Variants in STK3 observed in about 807,000 individuals in gnomAD.
STK3 encodes the protein serine/threonine kinase 3.
A neutral mutation model predicts 58.0 loss-of-function variants in STK3; 41 were observed. That is an observed-to-expected ratio of 0.71 (90% CI 0.55 to 0.92). The LOEUF is 0.92. Ranked by LOEUF, STK3 falls within the 40% of genes least tolerant of loss-of-function variation. The probability of loss-of-function intolerance (pLI) is 0.00; values close to 1 mark genes in which losing one functional copy is unlikely to be tolerated. For missense variants in STK3, 479 were observed against 602.7 expected (o/e 0.79, Z 2.15); for synonymous variants, 170 against 191.0 (o/e 0.89, Z 0.91).
At chr8:98,905,085 T>G in intron 1 of STK3, 2 of 1,351,992 alleles carry the variant, frequency 1.5e-6, no homozygotes, top group Non-Finnish European at 2.1e-6. Flanking sequence ...TGCTGCATAT[T>G]GTTCATTACA....
chr8:98,731,722 CAAA>C (rs35275281), intron 4 of STK3, among the ~76,000 whole-genome samples: 12 of 102,552 alleles, frequency 1.2e-4, no homozygotes, highest in Non-Finnish European at 1.7e-4. Context: ...GACTCCGTCT[CAAA>C]AAAAAAAAAA....
the STK3 span, among the ~76,000 whole-genome samples, chr8:98,352,504 C>T: frequency 1.3e-5 from 2 of 152,266 alleles, no homozygotes; most frequent in East Asian, 3.9e-4. Flanking sequence ...GCATTGTTAA[C>T]ACTGCAGAAA....
At chr8:98,674,140 A>C (rs184470501) in intron 6 of STK3, among the ~76,000 whole-genome samples, 86 of 152,332 alleles carry the variant, frequency 5.6e-4, no homozygotes, top group African/African-American at 1.9e-3. Flanking sequence ...GCTATATGTC[A>C]TCCAAGTTAT....
At chr8:98,806,079 T>A (rs1564019214) in intron 1 of STK3, among the ~76,000 whole-genome samples, 1 of 152,220 alleles carries the variant, frequency 6.6e-6, no homozygotes. Context: ...ATGTACTGTA[T>A]GAGAATATCA....
chr8:98,380,373 C>T (rs1000823763), intron 1 of STK3, among the ~76,000 whole-genome samples: 3 of 151,898 alleles, frequency 2.0e-5, no homozygotes, highest in African/African-American at 7.3e-5. Flanking sequence ...CAGAGATAAC[C>T]ACCGATAACA....
intron 3 of STK3, among the ~76,000 whole-genome samples, chr8:98,848,040 A>G (rs1328950144): frequency 6.6e-6 from 1 of 152,218 alleles, no homozygotes; most frequent in Non-Finnish European, 1.5e-5. Flanking sequence ...CTTGTTTAAA[A>G]AAACAGTTGT....
chr8:98,812,243 C>T (rs765546484), intron 1 of STK3, among the ~76,000 whole-genome samples: 2 of 152,158 alleles, frequency 1.3e-5, no homozygotes, highest in African/African-American at 2.4e-5. Flanking sequence ...AAGTGAACAT[C>T]GTCTTTTTAT....
At chr8:98,725,488 T>G (rs975902338) in intron 4 of STK3, among the ~76,000 whole-genome samples, 3 of 152,182 alleles carry the variant, frequency 2.0e-5, no homozygotes, top group Non-Finnish European at 4.4e-5. Flanking sequence ...AAAGTACAGA[T>G]AATTATGCAA....
At chr8:98,902,921 A>C (rs1838714003) in intron 1 of STK3, among the ~76,000 whole-genome samples, 1 of 152,262 alleles carries the variant, frequency 6.6e-6, no homozygotes, top group Non-Finnish European at 1.5e-5. Context: ...AACAGTGTAG[A>C]GTTAAGATTT....
chr8:98,623,461 A>G (rs1461305027), intron 6 of STK3, among the ~76,000 whole-genome samples: 2 of 152,168 alleles, frequency 1.3e-5, no homozygotes, highest in East Asian at 3.9e-4. Context: ...TAAGAAGAAG[A>G]AGAGACATTA....
At chr8:98,728,123 A>G (rs531241846) in intron 4 of STK3, among the ~76,000 whole-genome samples, 70 of 152,290 alleles carry the variant, frequency 4.6e-4, no homozygotes, top group African/African-American at 1.7e-3. Context: ...TGGGGCTCCC[A>G]GGTATCCTGG....
intron 4 of STK3, among the ~76,000 whole-genome samples, chr8:98,724,800 A>C (rs1234254348): frequency 2.0e-5 from 3 of 152,198 alleles, no homozygotes; most frequent in Admixed American, 6.5e-5. Flanking sequence ...GAAGAGTCAG[A>C]CCATGCAGAG....
intron 10 of STK3, among the ~76,000 whole-genome samples, chr8:98,466,092 A>G (rs1284503531): frequency 6.6e-6 from 1 of 152,210 alleles, no homozygotes; most frequent in Non-Finnish European, 1.5e-5. Flanking sequence ...TTCTTATCTC[A>G]GCGATTCTGA....
Position 98,443,741 on chromosome 8 carries a change from G to A in STK3, n.186-6533C>T, listed in dbSNP as rs150399619. Among the ~76,000 whole-genome samples, 731 of 152,144 alleles carry A rather than the reference G, an allele frequency of 4.8e-3. 2 individuals carry two copies. The highest frequency in any genetic ancestry group is 0.016 in the African/African-American group (664 of 41,506). On this transcript the variant is annotated intron_variant and non_coding_transcript_variant, in intron 1 of 3. Coordinates refer to the STK3 transcript ENST00000517832. ...CACGTGCCTGTAATCCCAGCTATTC[G>A]GGTGACTGAGGCAGGAAAATCGCTT...
At chr8:98,912,100 C>T (rs1459116284) in intron 1 of STK3, among the ~76,000 whole-genome samples, 2 of 152,104 alleles carry the variant, frequency 1.3e-5, no homozygotes, top group South Asian at 2.1e-4. Context: ...TATCTTGGGC[C>T]GGGCACCGTG....
intron 1 of STK3, chr8:98,942,237 G>C (rs1840461208): frequency 6.6e-6 from 1 of 152,276 alleles, no homozygotes; most frequent in Non-Finnish European, 1.5e-5. Context: ...CGCGGACGGT[G>C]CTGCGCTGCG....
chr8:98,934,397 C>T (rs999282377), intron 1 of STK3, among the ~76,000 whole-genome samples: 2 of 152,124 alleles, frequency 1.3e-5, no homozygotes, highest in African/African-American at 2.4e-5. Context: ...TTTCCAAGTC[C>T]GACCCACCTT....
intron 1 of STK3, among the ~76,000 whole-genome samples, chr8:98,790,427 C>T (rs371941520): frequency 5.3e-5 from 8 of 152,164 alleles, no homozygotes; most frequent in East Asian, 1.9e-4. Flanking sequence ...ATCACATGAT[C>T]GTCTCAACAG....
intron 3 of STK3, among the ~76,000 whole-genome samples, chr8:98,869,565 G>A (rs1010006855): frequency 1.3e-5 from 2 of 152,192 alleles, no homozygotes; most frequent in South Asian, 4.1e-4. Context: ...GGAAGGCCAT[G>A]TGAAGACAGA....
Sources: gnomAD v4.1 joint callset for allele counts (sites outside exome capture counted in the v4.1 genomes callset) on GRCh38, gnomAD v4.1.1 for gene constraint, MANE v1.5 for transcripts, NCBI Gene and HGNC (gene_info 2026-07-23, HGNC 2026-07-21) for gene names.